The following PLA2G5 variants were observed in gnomAD, a reference collection of about 807,000 sequenced individuals.
The protein encoded by PLA2G5 is phospholipase A2 group V, also known as Ca2+-dependent phospholipase A2.
Under a neutral mutation model 15.9 loss-of-function variants are expected in PLA2G5, and 12 were observed. The observed-to-expected ratio is 0.76, with a 90% CI of 0.48 to 1.23. PLA2G5 has a LOEUF of 1.23. Ranked by LOEUF, PLA2G5 falls within the 50% of genes most tolerant of loss-of-function variation. The pLI, the probability that PLA2G5 is intolerant of heterozygous loss-of-function variation, is 0.00. For synonymous variants in PLA2G5, 71 were observed against 71.4 expected (o/e 0.99, Z 0.03); for missense variants, 169 against 177.1 (o/e 0.95, Z 0.26).
At chr1:20,085,016 T>G in intron 2 of PLA2G5, 146 bp downstream of exon 2, 1 of 720,940 alleles carries the variant, frequency 1.4e-6, no homozygotes, top group Non-Finnish European at 2.6e-6. Context: ...AGCAAGAGCC[T>G]TCATGCCTCC....
intron 1 of PLA2G5, among the ~76,000 whole-genome samples, chr1:20,082,175 C>A (rs1172388443): frequency 6.6e-6 from 1 of 151,882 alleles, no homozygotes; most frequent in Non-Finnish European, 1.5e-5. Flanking sequence ...GAAGAGGGGC[C>A]AACCAGGCGA....
At chr1:20,031,498 G>A (rs2012937737) in intron 1 of PLA2G5, among the ~76,000 whole-genome samples, 1 of 152,142 alleles carries the variant, frequency 6.6e-6, no homozygotes, top group African/African-American at 2.4e-5. Flanking sequence ...TCTATCCAGG[G>A]ATGTGGGGAA....
At chr1:20,040,669 A>G (rs1237010176) in intron 1 of PLA2G5, among the ~76,000 whole-genome samples, 1 of 152,140 alleles carries the variant, frequency 6.6e-6, no homozygotes, top group East Asian at 1.9e-4. Context: ...CCAATCCAAG[A>G]TATCAACAAG....
At chr1:20,075,451 C>T (rs909507898) in intron 1 of PLA2G5, among the ~76,000 whole-genome samples, 10 of 152,158 alleles carry the variant, frequency 6.6e-5, no homozygotes, top group African/African-American at 2.4e-4. Context: ...AAACATCTAC[C>T]GTGTATCAAC....
chr1:20,029,351 G>A (rs570783271), intron 1 of PLA2G5, among the ~76,000 whole-genome samples: 1 of 132,474 alleles, frequency 7.5e-6, no homozygotes, highest in Non-Finnish European at 1.6e-5. Context: ...CCCCTGATAC[G>A]TTCCTCCGCT....
intron 1 of PLA2G5, among the ~76,000 whole-genome samples, chr1:20,032,166 T>G (rs533099923): frequency 6.6e-6 from 1 of 152,270 alleles, no homozygotes; most frequent in African/African-American, 2.4e-5. Flanking sequence ...ATGGCCTGCT[T>G]AATTTTACCT....
At chr1:20,033,814 G>A (rs1016236930) in intron 1 of PLA2G5, among the ~76,000 whole-genome samples, 15 of 151,998 alleles carry the variant, frequency 9.9e-5, no homozygotes, top group Non-Finnish European at 2.1e-4. Flanking sequence ...GATGGGGCAA[G>A]CTGAGTTCAG....
At chr1:20,076,968 G>C (rs568031194) in intron 1 of PLA2G5, 3 of 152,392 alleles carry the variant, frequency 2.0e-5, no homozygotes, top group Admixed American at 2.0e-4. Context: ...TAGGTTCTCA[G>C]GGTGAGGGAG....
At chr1:20,044,669 G>C (rs537366133) in intron 1 of PLA2G5, among the ~76,000 whole-genome samples, 6 of 152,246 alleles carry the variant, frequency 3.9e-5, no homozygotes, top group African/African-American at 9.6e-5. Flanking sequence ...TTGGGCAGGT[G>C]GGGGAGGGCT....
At chr1:20,068,091 C>T (rs901641280), upstream of PLA2G5, among the ~76,000 whole-genome samples, 1 of 151,994 alleles carries the variant, frequency 6.6e-6, no homozygotes, top group African/African-American at 2.4e-5. Context: ...GCACTCCAGC[C>T]TGGGCGACAA....
chr1:20,084,438 C>A (rs1205155746), intron 1 of PLA2G5, among the ~76,000 whole-genome samples: 1 of 152,208 alleles, frequency 6.6e-6, no homozygotes, highest in East Asian at 1.9e-4. Context: ...CATCTTTCAT[C>A]AAAGGCCATG....
intron 2 of PLA2G5, among the ~76,000 whole-genome samples, chr1:20,061,930 G>C (rs1325952012): frequency 6.6e-6 from 1 of 152,238 alleles, no homozygotes; most frequent in Non-Finnish European, 1.5e-5. Flanking sequence ...CCCAATATTG[G>C]AGGTGGAGCC....
At chr1:20,075,397 CT>C (rs1302113085) in intron 1 of PLA2G5, among the ~76,000 whole-genome samples, 2 of 152,360 alleles carry the variant, frequency 1.3e-5, no homozygotes, top group African/African-American at 4.8e-5. Context: ...TCCCACCATC[CT>C]GTTAAAAATA....
At position 20,091,270 on chromosome 1, in the gene PLA2G5, G is replaced by C. The variant is rs1378191917; in HGVS notation, c.*578G>C. The stretch of plus-strand genomic sequence containing the variant: ...TGTCTACATTATCTCCGAAACAGAA[G>C]GGAAGATTAGTAAATGCAGGGTTTT... On this transcript the variant is annotated 3_prime_UTR_variant, in exon 5 of 5. Coordinates refer to ENST00000375108, the MANE Select transcript of PLA2G5 (RefSeq NM_000929.3). The C allele has an allele frequency of 6.6e-6, 1 of 152,338 alleles. No individual in the cohort carries two copies. Among genetic ancestry groups the C allele is most frequent in the Non-Finnish European group, 1.5e-5 (1 of 68,128 alleles). 9.4% of individuals were successfully genotyped at this position (152,338 alleles called of 1,614,324 possible). A position where few individuals can be genotyped will look rare whatever the true frequency, so the allele number is the denominator to read the frequency against.
At chr1:20,072,360 G>T (rs901631755) in intron 1 of PLA2G5, among the ~76,000 whole-genome samples, 7 of 152,142 alleles carry the variant, frequency 4.6e-5, no homozygotes, top group Non-Finnish European at 8.8e-5. Context: ...CTAGAACAGT[G>T]CCTGGCACAT....
At chr1:20,059,372 G>A (rs1450841846) in intron 1 of PLA2G5, among the ~76,000 whole-genome samples, 2 of 151,902 alleles carry the variant, frequency 1.3e-5, no homozygotes, top group African/African-American at 2.4e-5. Context: ...TGGCTGCAGT[G>A]AGCCCTGATT....
At chr1:20,052,568 C>T (rs1332427946) in intron 1 of PLA2G5, among the ~76,000 whole-genome samples, 1 of 152,136 alleles carries the variant, frequency 6.6e-6, no homozygotes, top group Admixed American at 6.5e-5. Context: ...CTTCAGAGGA[C>T]ATGAGACTTC....
At chr1:20,074,227 A>G (rs911306691) in intron 1 of PLA2G5, among the ~76,000 whole-genome samples, 6 of 152,212 alleles carry the variant, frequency 3.9e-5, no homozygotes, top group Non-Finnish European at 5.9e-5. Flanking sequence ...TCGAGAGCAC[A>G]GAATGTCAGA....
chr1:20,082,065 G>A (rs1404489382), intron 1 of PLA2G5, among the ~76,000 whole-genome samples: 1 of 151,800 alleles, frequency 6.6e-6, no homozygotes, highest in Non-Finnish European at 1.5e-5. Flanking sequence ...TCGACTGAGG[G>A]ACATAAGGCA....
Sources: gnomAD v4.1 joint callset for allele counts (sites outside exome capture counted in the v4.1 genomes callset) on GRCh38, gnomAD v4.1.1 for gene constraint, MANE v1.5 for transcripts, NCBI Gene and HGNC (gene_info 2026-07-23, HGNC 2026-07-21) for gene names.